The following ZNF438 variants were observed in gnomAD, a reference collection of about 807,000 sequenced individuals.
The protein encoded by ZNF438 is zinc finger protein 438.
In ZNF438, 25 loss-of-function variants were observed where a neutral mutation model predicts 38.0. The ratio of observed to expected loss-of-function variants is 0.66; its 90% CI spans 0.48 to 0.92. The LOEUF (loss-of-function observed/expected upper bound fraction) is 0.92, where lower values mean the gene tolerates loss of function less well. Ranked by LOEUF, ZNF438 falls within the 40% of genes least tolerant of loss-of-function variation. ZNF438 has a pLI of 0.00. For synonymous variants in ZNF438, 372 were observed against 364.1 expected, an observed-to-expected ratio of 1.02 and a Z score of -0.25; for missense variants, 1,007 against 999.6, an observed-to-expected ratio of 1.01 and a Z score of -0.10.
intron 1 of ZNF438, among the ~76,000 whole-genome samples, chr10:30,979,658 A>G (rs1002577578): frequency 6.6e-6 from 1 of 152,178 alleles, no homozygotes; most frequent in Non-Finnish European, 1.5e-5. Flanking sequence ...CTTGGTCCAG[A>G]GCTGAGTTCA....
At chr10:31,022,798 C>G (rs186932581) in intron 1 of ZNF438, among the ~76,000 whole-genome samples, 30 of 152,300 alleles carry the variant, frequency 2.0e-4, no homozygotes, top group Admixed American at 4.6e-4. Flanking sequence ...TTGTCAACCA[C>G]CACTTCTTCA....
intron 2 of ZNF438, among the ~76,000 whole-genome samples, chr10:30,932,487 TATA>T (rs750136898): frequency 7.9e-5 from 12 of 152,240 alleles, no homozygotes; most frequent in Non-Finnish European, 1.6e-4. Flanking sequence ...ACTGCAATCC[TATA>T]ATAACCTTAC....
intron 1 of ZNF438, among the ~76,000 whole-genome samples, chr10:31,011,032 C>G (rs543403551): frequency 6.6e-6 from 1 of 150,822 alleles, no homozygotes; most frequent in Non-Finnish European, 1.5e-5. Flanking sequence ...AAAATTAACA[C>G]TCAGGAAGAT....
intron 1 of ZNF438, among the ~76,000 whole-genome samples, chr10:30,945,382 CTTTTACTTTTTTTTTTTTTATTTTT>C (rs2047269395): frequency 9.1e-6 from 1 of 110,458 alleles, no homozygotes; most frequent in Non-Finnish European, 2.1e-5. Context: ...TCTTTGGATT[CTTTTACTTTTTTTTTTTTTATTTTT>C]TTTTACTTTT....
At chr10:30,976,075 T>C (rs1448747273) in intron 1 of ZNF438, among the ~76,000 whole-genome samples, 1 of 152,014 alleles carries the variant, frequency 6.6e-6, no homozygotes, top group Non-Finnish European at 1.5e-5. Context: ...TTTAAAATAA[T>C]CCTTAGTTTT....
At chr10:30,970,663 C>T (rs1374252262) in intron 1 of ZNF438, among the ~76,000 whole-genome samples, 1 of 152,160 alleles carries the variant, frequency 6.6e-6, no homozygotes, top group Non-Finnish European at 1.5e-5. Context: ...CCCCTTTCTA[C>T]CAATTCCCAT....
intron 1 of ZNF438, among the ~76,000 whole-genome samples, chr10:31,013,160 A>C (rs1293270270): frequency 6.6e-6 from 1 of 152,162 alleles, no homozygotes; most frequent in Non-Finnish European, 1.5e-5. Context: ...TCTACTAAAA[A>C]TACAAAAAAT....
chr10:30,885,118 G>T (rs1028391024), intron 3 of ZNF438, among the ~76,000 whole-genome samples: 1 of 152,180 alleles, frequency 6.6e-6, no homozygotes, highest in Non-Finnish European at 1.5e-5. Context: ...CTGTCATTCA[G>T]ATAAATGCCA....
At chr10:30,967,900 C>CA (rs2050302418) in intron 1 of ZNF438, among the ~76,000 whole-genome samples, 1 of 152,194 alleles carries the variant, frequency 6.6e-6, no homozygotes, top group Non-Finnish European at 1.5e-5. Context: ...GTAACCCTTT[C>CA]ATAGCTCTGT....
chr10:30,991,755 C>T (rs2053524976), intron 1 of ZNF438, among the ~76,000 whole-genome samples: 1 of 152,184 alleles, frequency 6.6e-6, no homozygotes, highest in Non-Finnish European at 1.5e-5. Context: ...AAGAGACAGC[C>T]AGCTCACAGT....
chr10:31,024,840 T>C (rs968691666), intron 1 of ZNF438, among the ~76,000 whole-genome samples: 4 of 152,164 alleles, frequency 2.6e-5, no homozygotes, highest in South Asian at 2.1e-4. Context: ...ACCATGAAAC[T>C]GTGAAATAGC....
intron 1 of ZNF438, among the ~76,000 whole-genome samples, chr10:31,024,422 C>T (rs1286378650): frequency 6.6e-6 from 1 of 152,004 alleles, no homozygotes; most frequent in Non-Finnish European, 1.5e-5. Context: ...GTCAGGAGAT[C>T]GAGACCATCC....
intron 4 of ZNF438, among the ~76,000 whole-genome samples, chr10:30,862,202 T>C (rs550609094): frequency 6.6e-6 from 1 of 152,294 alleles, no homozygotes; most frequent in African/African-American, 2.4e-5. Flanking sequence ...ATGGGGCTGG[T>C]GAACATGGAA....
At chr10:30,904,913 C>A (rs2042421200) in intron 3 of ZNF438, among the ~76,000 whole-genome samples, 1 of 152,156 alleles carries the variant, frequency 6.6e-6, no homozygotes, top group African/African-American at 2.4e-5. Flanking sequence ...ATCTTAGTGG[C>A]CCCTGTATCT....
At chr10:30,931,595 T>A (rs1317090142) in intron 2 of ZNF438, among the ~76,000 whole-genome samples, 5 of 152,226 alleles carry the variant, frequency 3.3e-5, no homozygotes, top group Admixed American at 3.3e-4. Context: ...TTAGGTCAAA[T>A]CCTTTGACTT....
chr10:30,876,885 T>C (rs1012522862), intron 4 of ZNF438, 113 bp downstream of exon 5: 2 of 702,738 alleles, frequency 2.8e-6, no homozygotes, highest in Non-Finnish European at 4.2e-6. Context: ...TTATAATTTT[T>C]ATTTTTAATT....
chr10:31,010,893 A>G (rs898644588), intron 1 of ZNF438, among the ~76,000 whole-genome samples: 13 of 19,722 alleles, frequency 6.6e-4, no homozygotes, highest in South Asian at 4.6e-3. Flanking sequence ...ACCCTGTTTG[A>G]AAAAAAAAAA....
intron 2 of ZNF438, chr10:30,923,427 A>C (rs978702449): frequency 6.6e-6 from 1 of 152,100 alleles, no homozygotes; most frequent in Non-Finnish European, 1.5e-5. Context: ...TAAATGCATA[A>C]TTTTAGATTT....
chr10:30,932,927 C>A (rs1489483953), intron 2 of ZNF438, among the ~76,000 whole-genome samples: 1 of 152,144 alleles, frequency 6.6e-6, no homozygotes, highest in Non-Finnish European at 1.5e-5. Flanking sequence ...GCAAGGAATG[C>A]CTGGGGCTAC....
Sources: gnomAD v4.1 joint callset for allele counts (sites outside exome capture counted in the v4.1 genomes callset) on GRCh38, gnomAD v4.1.1 for gene constraint, MANE v1.5 for transcripts, NCBI Gene and HGNC (gene_info 2026-07-23, HGNC 2026-07-21) for gene names.